NAALADL2: variants seen among roughly 807,000 people sequenced by gnomAD.
The protein encoded by NAALADL2 is N-acetylated alpha-linked acidic dipeptidase like 2.
In NAALADL2, 76 loss-of-function variants were observed where a neutral mutation model predicts 87.2. That is an observed-to-expected ratio of 0.87 (90% CI 0.72 to 1.05). The LOEUF (loss-of-function observed/expected upper bound fraction) is 1.05, where lower values mean the gene tolerates loss of function less well. Among genes scored for constraint, NAALADL2 ranks in the 50% least tolerant of loss-of-function variants. The pLI is 0.00. For synonymous variants in NAALADL2, 354 were observed against 331.0 expected, an observed-to-expected ratio of 1.07 and a Z score of -0.75; for missense variants, 1,089 against 945.8, an observed-to-expected ratio of 1.15 and a Z score of -1.99.
intron 1 of NAALADL2, among the ~76,000 whole-genome samples, chr3:174,450,859 G>T (rs1715429025): frequency 1.0e-5 from 1 of 100,170 alleles, no homozygotes; most frequent in Non-Finnish European, 1.8e-5. Context: ...AACAGAATGA[G>T]ACTCTGTCTC....
At chr3:174,640,549 C>T (rs1412377074) in intron 2 of NAALADL2, among the ~76,000 whole-genome samples, 1 of 152,180 alleles carries the variant, frequency 6.6e-6, no homozygotes, top group Non-Finnish European at 1.5e-5. Context: ...CTCTCTTAGC[C>T]TTGACAATGT....
chr3:175,211,045 C>T (rs1741702545), intron 2 of NAALADL2, among the ~76,000 whole-genome samples: 1 of 151,774 alleles, frequency 6.6e-6, no homozygotes, highest in African/African-American at 2.4e-5. Flanking sequence ...CCCATTAGCT[C>T]AGAGCATTTT....
intron 9 of NAALADL2, among the ~76,000 whole-genome samples, chr3:175,520,938 G>T (rs374804590): frequency 1.3e-5 from 2 of 152,156 alleles, no homozygotes; most frequent in African/African-American, 4.8e-5. Flanking sequence ...TAGAATCAAG[G>T]ATTAGAATCT....
chr3:174,508,790 G>A (rs964920992), intron 1 of NAALADL2, among the ~76,000 whole-genome samples: 6 of 152,146 alleles, frequency 3.9e-5, no homozygotes, highest in African/African-American at 1.4e-4. Context: ...GCTCACGCCT[G>A]TAATCCTAGC....
intron 11 of NAALADL2, among the ~76,000 whole-genome samples, chr3:175,653,584 T>C (rs1305320169): frequency 6.6e-6 from 1 of 152,194 alleles, no homozygotes; most frequent in Non-Finnish European, 1.5e-5. Flanking sequence ...CACCACCTTT[T>C]CGTTTGCCAT....
At chr3:174,755,643 A>C (rs1033701178) in intron 3 of NAALADL2, among the ~76,000 whole-genome samples, 17 of 152,222 alleles carry the variant, frequency 1.1e-4, no homozygotes, top group African/African-American at 4.1e-4. Context: ...TCGAGAGAAG[A>C]GGGACACATT....
rs527599298 is a variant in NAALADL2, at chr3:174,823,545, A to C, written c.-9+85799A>C. 1.1e-3 allele frequency among the ~76,000 whole-genome samples: 175 copies of C among 152,308 alleles called. 1 individual carries two copies. The highest frequency in any genetic ancestry group is 4.0e-3 in the African/African-American group (166 of 41,574). On this transcript the variant is annotated intron_variant, in intron 3 of 3. Coordinates refer to the NAALADL2 transcript ENST00000434257. ...TTGGTCAACAGATTTTATATGTATC[A>C]CTTTGGAAGAATGAAATTGTACTTC...
chr3:175,473,220 A>G (rs1452532273), intron 9 of NAALADL2, among the ~76,000 whole-genome samples: 1 of 152,102 alleles, frequency 6.6e-6, no homozygotes, highest in East Asian at 1.9e-4. Flanking sequence ...AAACCTAATT[A>G]TGTGAGAATA....
At position 175,224,104 on chromosome 3, in the gene NAALADL2, G is replaced by A. The variant is rs572940128; in HGVS notation, c.546-9827G>A. ...ACAGCAACACAGGTCTATTGCAAGCGCAACCTGCAGAGGTGGGGACCAGGT... is the reference window on the plus strand; with the variant it reads ...ACAGCAACACAGGTCTATTGCAAGCACAACCTGCAGAGGTGGGGACCAGGT... On this transcript the variant is annotated intron_variant, in intron 2 of 13. Transcript: ENST00000454872. 3.3e-5 allele frequency among the ~76,000 whole-genome samples: 5 copies of A among 152,180 alleles called. No individual in the cohort carries two copies. The South Asian group carries it at 6.2e-4, about 19-fold the overall frequency.
At chr3:174,978,069 G>A (rs536145319) in intron 1 of NAALADL2, among the ~76,000 whole-genome samples, 1 of 152,190 alleles carries the variant, frequency 6.6e-6, no homozygotes, top group Non-Finnish European at 1.5e-5. Flanking sequence ...GGAAACAAGC[G>A]TAGAAAAATC....
At chr3:174,539,848 C>T (rs1000578160) in intron 1 of NAALADL2, among the ~76,000 whole-genome samples, 1 of 151,128 alleles carries the variant, frequency 6.6e-6, no homozygotes. Flanking sequence ...AATATTCAAG[C>T]AATAAAGAAA....
chr3:175,804,785 T>A lies in NAALADL2; in HGVS notation c.*1582T>A, dbSNP rs1266878895. Reference sequence around the variant, plus strand: ...TTAATTGATTTATAAGGTTCAACACTGTCTACCCTAAATAATTTTTATATG... The same window carrying A: ...TTAATTGATTTATAAGGTTCAACACAGTCTACCCTAAATAATTTTTATATG... On this transcript the variant is annotated 3_prime_UTR_variant, in exon 14 of 14. Coordinates refer to ENST00000454872, the MANE Select transcript of NAALADL2 (RefSeq NM_207015.3). 1.3e-5 allele frequency: 2 copies of A among 151,856 alleles called. No homozygotes were observed. Among genetic ancestry groups the A allele is most frequent in the Non-Finnish European group, 2.9e-5 (2 of 67,862 alleles). The allele number at this position is 151,856 out of a possible 1,614,324, so 9.4% of individuals were successfully genotyped here. A position where few individuals can be genotyped will look rare whatever the true frequency, so the allele number is the denominator to read the frequency against.
intron 9 of NAALADL2, among the ~76,000 whole-genome samples, chr3:175,549,120 A>T (rs1366015568): frequency 6.9e-6 from 1 of 145,830 alleles, no homozygotes; most frequent in Non-Finnish European, 1.5e-5. Flanking sequence ...GATACTATAT[A>T]CATACAGTTT....
chr3:175,394,954 G>A (rs189025133), intron 5 of NAALADL2, among the ~76,000 whole-genome samples: 200 of 151,492 alleles, frequency 1.3e-3, no homozygotes, highest in African/African-American at 4.7e-3. Context: ...TTATTAAGTT[G>A]AGAACTTTCA....
rs377465810 is a variant in NAALADL2, at chr3:175,302,537, A to T, written c.940-21638A>T. On this transcript the variant is annotated intron_variant, in intron 4 of 13. Coordinates refer to ENST00000454872, the MANE Select transcript of NAALADL2 (RefSeq NM_207015.3). ...ATAGTACATTCATTCATCTCCACAT[A>T]TAGGCTAAATTGATAGAACAGACAT... Among the ~76,000 whole-genome samples the T allele has an allele frequency of 1.1e-4, 17 of 152,286 alleles. 1 individual carries two copies. The East Asian group carries it at 1.3e-3, about 12-fold the overall frequency.
At chr3:174,845,960 T>G (rs1439463723) in intron 3 of NAALADL2, among the ~76,000 whole-genome samples, 1 of 152,094 alleles carries the variant, frequency 6.6e-6, no homozygotes, top group East Asian at 1.9e-4. Flanking sequence ...GGCACCATGG[T>G]GTATCAGCTC....
At chr3:175,673,394 A>T (rs915725335) in intron 11 of NAALADL2, among the ~76,000 whole-genome samples, 5 of 152,282 alleles carry the variant, frequency 3.3e-5, no homozygotes, top group African/African-American at 7.2e-5. Flanking sequence ...CTGCCCTTTT[A>T]TCAGTTATAA....
chr3:175,718,321 T>G (rs1741686143), intron 11 of NAALADL2: 1 of 1,602,090 alleles, frequency 6.2e-7, no homozygotes, highest in Non-Finnish European at 8.5e-7. Flanking sequence ...ACAACTTTGA[T>G]GCTATATGAA....
chr3:174,876,475 A>G (rs1385968203), intron 1 of NAALADL2, among the ~76,000 whole-genome samples: 1 of 152,186 alleles, frequency 6.6e-6, no homozygotes, highest in African/African-American at 2.4e-5. Context: ...AATGTTTATA[A>G]AATATTTGTA....
Sources: allele counts gnomAD v4.1 joint callset (sites outside exome capture counted in the v4.1 genomes callset), GRCh38; gene constraint gnomAD v4.1.1; transcripts MANE v1.5; gene names NCBI Gene and HGNC (gene_info 2026-07-23, HGNC 2026-07-21).